The following SLC25A36 variants were observed in gnomAD, a reference collection of about 807,000 sequenced individuals.
SLC25A36 encodes solute carrier family 25 member 36, also known as epididymis secretory sperm binding protein.
In SLC25A36, 24 loss-of-function variants were observed where a neutral mutation model predicts 35.3. That is an observed-to-expected ratio of 0.68 (90% confidence interval 0.49 to 0.96). The LOEUF is 0.96. SLC25A36 is among the 40% of genes least tolerant of loss of function. The pLI is 0.00. For synonymous variants in SLC25A36, 141 were observed against 132.2 expected, an observed-to-expected ratio of 1.07 and a Z score of -0.46; for missense variants, 294 against 381.1, an observed-to-expected ratio of 0.77 and a Z score of 1.90.
At chr3:140,951,889 G>A (rs987780506) in intron 1 of SLC25A36, among the ~76,000 whole-genome samples, 5 of 152,018 alleles carry the variant, frequency 3.3e-5, no homozygotes, top group Non-Finnish European at 7.4e-5. Context: ...GCTGGAGTGT[G>A]ATAGTGCAAT....
intron 4 of SLC25A36, chr3:140,966,880 C>T: frequency 2.2e-6 from 1 of 455,306 alleles, no homozygotes; most frequent in South Asian, 1.6e-5. Flanking sequence ...ACACATGTTT[C>T]TGATGAGGTC....
intron 4 of SLC25A36, among the ~76,000 whole-genome samples, chr3:140,969,780 T>A (rs879891511): frequency 2.0e-4 from 31 of 151,908 alleles, no homozygotes; most frequent in Non-Finnish European, 3.7e-4. Flanking sequence ...TATTCTTAAG[T>A]ATATTGTAGC....
intron 4 of SLC25A36, among the ~76,000 whole-genome samples, chr3:140,969,368 G>C (rs1387580273): frequency 6.6e-6 from 1 of 151,728 alleles, no homozygotes; most frequent in African/African-American, 2.4e-5. Flanking sequence ...AATTTTATCA[G>C]TTTAGTACCT....
At chr3:140,965,675 A>C (rs1458962127) in intron 4 of SLC25A36, 1 of 151,842 alleles carries the variant, frequency 6.6e-6, no homozygotes, top group Non-Finnish European at 1.5e-5. Flanking sequence ...GTAAGCCTCT[A>C]AAGTTGAGCT....
At chr3:140,967,027 C>T (rs1236739298) in intron 4 of SLC25A36, 1 of 456,304 alleles carries the variant, frequency 2.2e-6, no homozygotes, top group Non-Finnish European at 4.4e-6. Context: ...TATGGACTAA[C>T]TTAAACCTCG....
chr3:140,955,419 G>C (rs1422436463), intron 1 of SLC25A36, among the ~76,000 whole-genome samples: 2 of 151,836 alleles, frequency 1.3e-5, no homozygotes, highest in Admixed American at 6.6e-5. Flanking sequence ...TTTCCCTTTT[G>C]GTTAGAAAGC....
intron 1 of SLC25A36, among the ~76,000 whole-genome samples, chr3:140,946,339 T>G (rs970270815): frequency 7.2e-5 from 11 of 152,270 alleles, no homozygotes; most frequent in African/African-American, 2.6e-4. Context: ...CTAGCCCTGG[T>G]AAGAGTGAGA....
intron 5 of SLC25A36, 84 bp downstream of exon 5, chr3:140,971,077 G>T: frequency 1.5e-6 from 1 of 650,522 alleles, no homozygotes; most frequent in African/African-American, 1.8e-5. Flanking sequence ...CTTTGCTGCT[G>T]AATTTGTTTG....
chr3:140,973,100 C>T (rs532435609), intron 5 of SLC25A36: 1 of 152,216 alleles, frequency 6.6e-6, no homozygotes, highest in East Asian at 1.9e-4. Context: ...TATAACACTA[C>T]AGTTTCTCAT....
At chr3:140,946,010 G>T (rs936570038) in intron 1 of SLC25A36, among the ~76,000 whole-genome samples, 2 of 152,094 alleles carry the variant, frequency 1.3e-5, no homozygotes, top group African/African-American at 4.8e-5. Flanking sequence ...ATAACAGTAT[G>T]AAAAGTTTAC....
intron 4 of SLC25A36, among the ~76,000 whole-genome samples, chr3:140,970,188 A>T (rs1228108022): frequency 6.6e-6 from 1 of 151,966 alleles, no homozygotes; most frequent in Non-Finnish European, 1.5e-5. Context: ...AATACCTAGT[A>T]CATAATACTT....
At chr3:140,967,451 A>C (rs1316044924) in intron 4 of SLC25A36, among the ~76,000 whole-genome samples, 1 of 152,002 alleles carries the variant, frequency 6.6e-6, no homozygotes, top group African/African-American at 2.4e-5. Flanking sequence ...TTGCAAAAAA[A>C]ACAAAAATTA....
At chr3:140,966,053 G>A (rs1168200336) in intron 4 of SLC25A36, 2 of 151,956 alleles carry the variant, frequency 1.3e-5, no homozygotes, top group African/African-American at 2.4e-5. Context: ...TATTCATACA[G>A]TTATTCTCAA....
intron 1 of SLC25A36, among the ~76,000 whole-genome samples, chr3:140,951,046 G>T (rs1043448226): frequency 9.9e-5 from 15 of 152,040 alleles, no homozygotes; most frequent in African/African-American, 3.4e-4. Context: ...AATACTTGGT[G>T]CCCTAATCAT....
chr3:140,963,250 A>AG, intron 4 of SLC25A36, 23 bp downstream of exon 4: 1 of 1,465,188 alleles, frequency 6.8e-7, no homozygotes, highest in Non-Finnish European at 9.2e-7. Flanking sequence ...AATATTAAAA[A>AG]AAAAAAAAAC....
chr3:140,946,272 T>C (rs756727876), intron 1 of SLC25A36, among the ~76,000 whole-genome samples: 2 of 152,104 alleles, frequency 1.3e-5, no homozygotes, highest in Non-Finnish European at 2.9e-5. Flanking sequence ...GACATTTGAG[T>C]AAAGACTTGG....
rs1362423761 is a variant in SLC25A36, at chr3:140,942,047, GA to G, written c.-7del. The G allele has an allele frequency of 6.8e-7, 1 of 1,478,252 alleles. No homozygotes were observed. Among genetic ancestry groups the G allele is most frequent in the East Asian group, 2.7e-5 (1 of 36,894 alleles). 91.6% of individuals were successfully genotyped at this position (1,478,252 alleles called of 1,614,324 possible). A position where few individuals can be genotyped will look rare whatever the true frequency, so the allele number is the denominator to read the frequency against. On this transcript the variant is annotated 5_prime_UTR_variant, in exon 1 of 7. Transcript: ENST00000324194. ...GCCTCAGCGGCCGGAGGACATGCGG[GA>G]GAGAGAATGAGCCAGAGGGACACGC...
intron 1 of SLC25A36, among the ~76,000 whole-genome samples, chr3:140,953,793 C>T (rs1329612651): frequency 1.3e-5 from 2 of 151,920 alleles, no homozygotes; most frequent in Non-Finnish European, 2.9e-5. Flanking sequence ...CCTGTCTCAA[C>T]AAAAAAATTT....
intron 2 of SLC25A36, among the ~76,000 whole-genome samples, chr3:140,958,968 G>C (rs1157584075): frequency 9.0e-6 from 1 of 111,346 alleles, no homozygotes; most frequent in Non-Finnish European, 1.7e-5. Context: ...TTTTGTGTGT[G>C]TGTGTGTGTG....
Sources: gnomAD v4.1 joint callset for allele counts (sites outside exome capture counted in the v4.1 genomes callset) on GRCh38, gnomAD v4.1.1 for gene constraint, MANE v1.5 for transcripts, NCBI Gene and HGNC (gene_info 2026-07-23, HGNC 2026-07-21) for gene names.